ATP2C2: variants seen among roughly 807,000 people sequenced by gnomAD.
ATP2C2 encodes calcium-transporting ATPase type 2C member 2.
Under a neutral mutation model 110.8 loss-of-function variants are expected in ATP2C2, and 171 were observed. That is an observed-to-expected ratio of 1.54 (90% CI 1.36 to 1.75). The LOEUF is 1.75. ATP2C2 is among the 40% of genes most tolerant of loss of function. The probability of loss-of-function intolerance (pLI) is 0.00; values close to 1 mark genes in which losing one functional copy is unlikely to be tolerated. For synonymous variants in ATP2C2, 804 were observed against 508.4 expected (o/e 1.58, Z -7.82); for missense variants, 1,963 against 1,235.0 (o/e 1.59, Z -8.84).
At chr16:84,387,950 C>T (rs1431648332) in intron 1 of ATP2C2, among the ~76,000 whole-genome samples, 1 of 150,194 alleles carries the variant, frequency 6.7e-6, no homozygotes, top group Non-Finnish European at 1.5e-5. Flanking sequence ...AATAGAAGCA[C>T]CTGGGGGCTT....
Position 84,442,609 on chromosome 16 carries a change from C to T in ATP2C2, c.1401+10C>T, listed in dbSNP as rs555854331. The T allele has an allele frequency of 1.9e-6, 3 of 1,612,904 alleles. No individual in the cohort carries two copies. The highest frequency in any genetic ancestry group is 2.7e-5 in the African/African-American group (2 of 74,818). ...GGCCCTGGCGATGAAGGTAGGAGGT[C>T]CTGGGGTGGCTCTGCGGGGAATTCT... On this transcript the variant is annotated intron_variant, in intron 15 of 26. Coordinates refer to ENST00000262429, the MANE Select transcript of ATP2C2 (RefSeq NM_014861.4).
chr16:84,441,922 C>CGAATGAAT (rs376465083), intron 14 of ATP2C2, among the ~76,000 whole-genome samples: 1 of 149,926 alleles, frequency 6.7e-6, no homozygotes, highest in Non-Finnish European at 1.5e-5. Context: ...GACTCCATCT[C>CGAATGAAT]GAATGAATGA....
chr16:84,374,672 T>TG (rs1245484417), intron 1 of ATP2C2, among the ~76,000 whole-genome samples: 1 of 152,100 alleles, frequency 6.6e-6, no homozygotes, highest in Non-Finnish European at 1.5e-5. Context: ...TGGGAGCTGA[T>TG]GGGGGGTCCT....
rs755594312 is a variant in ATP2C2 at position 84,460,655 on chromosome 16, T to C, written c.2335T>C (p.Leu779=). Residue 779 remains leucine, a splice_region_variant and synonymous_variant, in exon 24 of 27, where the codon TTG becomes CTG. Transcript: ENST00000262429. ...GTGTCTGTGTCTTGTTCGGAGCAGC[T>C]TGGGGGTAGAGCCCGTTGACAAAGA... ...IIMDGPPAQS[L]GVEPVDKDAF... 8.1e-6 allele frequency: 13 copies of C among 1,614,204 alleles called. No homozygotes were observed. Among genetic ancestry groups the C allele is most frequent in the Middle Eastern group, 1.6e-4 (1 of 6,062 alleles).
chr16:84,452,138 C>T (rs1288726337), intron 18 of ATP2C2, 47 bp downstream of exon 18: 6 of 1,604,176 alleles, frequency 3.7e-6, no homozygotes, highest in South Asian at 3.3e-5. Flanking sequence ...CCCATCCATC[C>T]TTTACGATGG....
intron 11 of ATP2C2, among the ~76,000 whole-genome samples, chr16:84,431,081 G>C (rs747061185): frequency 1.8e-4 from 27 of 152,114 alleles, no homozygotes; most frequent in Admixed American, 5.2e-4. Context: ...GTAGATCTCT[G>C]CCCTCCTGGA....
intron 14 of ATP2C2, among the ~76,000 whole-genome samples, chr16:84,441,827 C>G (rs1909283625): frequency 6.6e-6 from 1 of 152,120 alleles, no homozygotes; most frequent in East Asian, 1.9e-4. Flanking sequence ...GAGCCTGAGA[C>G]AGGAGAATTG....
rs555291765 is a variant in ATP2C2 at position 84,437,807 on chromosome 16, C to T, written c.987-1359C>T. Among the ~76,000 whole-genome samples the T allele has an allele frequency of 2.6e-5, 4 of 152,348 alleles. No individual in the cohort carries two copies. In the South Asian group the frequency reaches 6.2e-4, roughly 24 times the overall value. On this transcript the variant is annotated intron_variant, in intron 11 of 26. Coordinates refer to ENST00000262429, the MANE Select transcript of ATP2C2 (RefSeq NM_014861.4). Reference sequence around the variant, plus strand: ...CTGGGATTACAGGCGTGAGCCACCACCCCCTGCCTAGAACATTTTCTTATC... The same window carrying T: ...CTGGGATTACAGGCGTGAGCCACCATCCCCTGCCTAGAACATTTTCTTATC...
At chr16:84,436,324 G>C (rs1908732602) in intron 11 of ATP2C2, among the ~76,000 whole-genome samples, 1 of 152,220 alleles carries the variant, frequency 6.6e-6, no homozygotes, top group African/African-American at 2.4e-5. Context: ...GTGACTTGGT[G>C]GTGGCTCTTT....
chr16:84,456,282 A>G (rs1313923156), intron 21 of ATP2C2, among the ~76,000 whole-genome samples: 2 of 150,618 alleles, frequency 1.3e-5, no homozygotes, highest in Non-Finnish European at 3.0e-5. Flanking sequence ...TTGGTAAACT[A>G]TTGATTATTG....
At chr16:84,433,595 C>T (rs1321572066) in intron 11 of ATP2C2, among the ~76,000 whole-genome samples, 7 of 151,306 alleles carry the variant, frequency 4.6e-5, no homozygotes, top group Non-Finnish European at 8.8e-5. Flanking sequence ...GAGGTTGTGG[C>T]GAGCCGAGAT....
intron 25 of ATP2C2, 38 bp from the exon 26 acceptor site, chr16:84,461,950 G>C (rs201360668): frequency 6.2e-7 from 1 of 1,610,084 alleles, no homozygotes; most frequent in Non-Finnish European, 8.5e-7. Context: ...CTGGGGTGTG[G>C]ACAGCACACA....
chr16:84,420,549 A>G (rs1360406428), intron 7 of ATP2C2, among the ~76,000 whole-genome samples: 1 of 149,046 alleles, frequency 6.7e-6, no homozygotes, highest in African/African-American at 2.5e-5. Context: ...CAGGGTTCCC[A>G]TCTACCCCTC....
chr16:84,413,904 G>A (rs761463942), intron 6 of ATP2C2, among the ~76,000 whole-genome samples: 9 of 152,140 alleles, frequency 5.9e-5, no homozygotes, highest in Non-Finnish European at 1.3e-4. Context: ...AAATGGGGAG[G>A]CCTCGGCCTT....
chr16:84,428,173 C>A (rs1327163671), intron 11 of ATP2C2, among the ~76,000 whole-genome samples: 1 of 152,182 alleles, frequency 6.6e-6, no homozygotes, highest in African/African-American at 2.4e-5. Flanking sequence ...CCAGTGTGGG[C>A]AAGAGAATCT....
At chr16:84,384,763 C>A (rs554464815) in intron 1 of ATP2C2, among the ~76,000 whole-genome samples, 6 of 152,288 alleles carry the variant, frequency 3.9e-5, no homozygotes, top group Admixed American at 2.6e-4. Context: ...TAAAGAAATA[C>A]CTGAAGCCGG....
rs1010992937 is a variant in ATP2C2 at position 84,463,604 on chromosome 16, C to T, written c.2723-10C>T. On this transcript the variant is annotated splice_polypyrimidine_tract_variant and intron_variant, in intron 26 of 26. Transcript: ENST00000262429. ...CCGTCCTGAATCTTTTCTGTTTTCTCCCTTGGCAGATTTGCTGTTTTTAAC... is the reference window on the plus strand; with the variant it reads ...CCGTCCTGAATCTTTTCTGTTTTCTTCCTTGGCAGATTTGCTGTTTTTAAC... The T allele has an allele frequency of 2.5e-6, 4 of 1,608,500 alleles. No homozygotes were observed. In the East Asian group the frequency reaches 6.7e-5, roughly 27 times the overall value.
chr16:84,406,976 T>G (rs1597779239), intron 3 of ATP2C2, among the ~76,000 whole-genome samples: 1 of 152,214 alleles, frequency 6.6e-6, no homozygotes, highest in East Asian at 1.9e-4. Flanking sequence ...TTAAATTTCT[T>G]GAGAGCAGAG....
At chr16:84,373,232 G>A (rs1910059620) in intron 1 of ATP2C2, among the ~76,000 whole-genome samples, 1 of 152,098 alleles carries the variant, frequency 6.6e-6, no homozygotes, top group Non-Finnish European at 1.5e-5. Context: ...GGGCATGGTG[G>A]CTTACGCCTG....
Sources: allele counts gnomAD v4.1 joint callset (sites outside exome capture counted in the v4.1 genomes callset), GRCh38; gene constraint gnomAD v4.1.1; transcripts MANE v1.5; gene names NCBI Gene and HGNC (gene_info 2026-07-23, HGNC 2026-07-21).